Variants in MINAR1 observed in about 807,000 individuals in gnomAD.
MINAR1 encodes membrane integral NOTCH2 associated receptor 1, also known as major intrinsically disordered Notch2-binding receptor 1.
In MINAR1, 40 loss-of-function variants were observed where a neutral mutation model predicts 65.1. That is an observed-to-expected ratio of 0.61 (90% confidence interval 0.48 to 0.80). The LOEUF is 0.80. Ranked by LOEUF, MINAR1 falls within the 30% of genes least tolerant of loss-of-function variation. The pLI is 0.00. For missense variants in MINAR1, 1,128 were observed against 1,148.0 expected (o/e 0.98, Z 0.25); for synonymous variants, 482 against 449.1 (o/e 1.07, Z -0.93).
chr15:79,452,971 A>C (rs1162930694), intron 1 of MINAR1, among the ~76,000 whole-genome samples: 2 of 151,190 alleles, frequency 1.3e-5, no homozygotes, highest in Non-Finnish European at 3.0e-5. Context: ...GTGAATGTGA[A>C]GCTGCCCTGG....
chr15:79,414,059 C>A, the MINAR1 span: 2 of 152,132 alleles, frequency 1.3e-5, no homozygotes, highest in African/African-American at 2.4e-5. Flanking sequence ...ATAGGACACA[C>A]TAGGCTACTG....
chr15:79,448,329 C>G (rs1016860842), intron 1 of MINAR1, among the ~76,000 whole-genome samples: 2 of 152,200 alleles, frequency 1.3e-5, no homozygotes, highest in African/African-American at 4.8e-5. Flanking sequence ...CCCTCTTTAG[C>G]AATTTTTTTG....
At chr15:79,446,292 A>G (rs1159435179) in intron 1 of MINAR1, among the ~76,000 whole-genome samples, 1 of 152,162 alleles carries the variant, frequency 6.6e-6, no homozygotes, top group Non-Finnish European at 1.5e-5. Context: ...TAAATTATTC[A>G]TTAACAGTTT....
rs754227024 is a variant in MINAR1, at chr15:79,457,910, C to T, written c.1763C>T (p.Ser588Leu). Residue 588 changes from serine to leucine, a missense_variant, in exon 2 of 4, where the codon TCG becomes TTG. Ser to Leu is a moderately radical substitution (Grantham distance 145, BLOSUM62 -2). Transcript: ENST00000305428. Reference protein sequence around the residue: ...KGNRPENTHHSEEELKTSVCK... With the variant: ...KGNRPENTHHLEEELKTSVCK... Reference sequence around the variant, plus strand: ...AACCGGCCTGAAAACACCCACCACTCGGAAGAAGAGCTGAAGACCAGTGTG... The same window carrying T: ...AACCGGCCTGAAAACACCCACCACTTGGAAGAAGAGCTGAAGACCAGTGTG... 9 of 1,614,118 alleles carry T rather than the reference C, an allele frequency of 5.6e-6. No homozygotes were observed. Among genetic ancestry groups the T allele is most frequent in the East Asian group, 2.2e-5 (1 of 44,872 alleles).
the MINAR1 span, chr15:79,413,030 A>C: frequency 2.0e-5 from 3 of 152,124 alleles, no homozygotes; most frequent in African/African-American, 4.8e-5. Context: ...GCAAACCCTC[A>C]AGGTCATCAA....
chr15:79,456,516 G>C lies in MINAR1; in HGVS notation c.369G>C (p.Arg123Ser). The change falls in exon 2 of 4, where the codon AGG becomes AGC. Residue 123 changes from arginine (R) to serine (S), a missense_variant. Physicochemically the swap from Arg to Ser is moderately radical, Grantham distance 110 (BLOSUM62 -1). Transcript: ENST00000305428. ...AGGAGGCATCCTTTGAATCATGTAG[G>C]TCGGACACAGAGATCTGCAATGCAG... is the stretch of plus-strand genomic sequence containing the variant. ...RKKEASFESC[R>S]SDTEICNAAE... The C allele has an allele frequency of 6.2e-7, 1 of 1,614,026 alleles. No individual in the cohort carries two copies. The highest frequency in any genetic ancestry group is 8.5e-7 in the Non-Finnish European group (1 of 1,180,034).
chr15:79,452,326 CTGGA>C (rs1895236441), intron 1 of MINAR1, among the ~76,000 whole-genome samples: 1 of 151,390 alleles, frequency 6.6e-6, no homozygotes, highest in Admixed American at 6.6e-5. Flanking sequence ...ATGTGTGTGT[CTGGA>C]TGAGTGTGAC....
At chr15:79,429,893 G>A (rs1027006938), upstream of MINAR1, among the ~76,000 whole-genome samples, 1 of 152,208 alleles carries the variant, frequency 6.6e-6, no homozygotes, top group Non-Finnish European at 1.5e-5. Flanking sequence ...TCCCAGAGAG[G>A]GGGGCATAGG....
At chr15:79,420,493 G>T in the MINAR1 span, 1 of 152,174 alleles carries the variant, frequency 6.6e-6, no homozygotes, top group Non-Finnish European at 1.5e-5. Flanking sequence ...GAAACTTGGT[G>T]GTCCCTCTAG....
intron 1 of MINAR1, among the ~76,000 whole-genome samples, chr15:79,436,978 T>C (rs1056813881): frequency 6.6e-6 from 1 of 152,356 alleles, no homozygotes; most frequent in Middle Eastern, 3.4e-3. Context: ...ATTTTGACCT[T>C]CAGTGGCTCA....
intron 3 of MINAR1, among the ~76,000 whole-genome samples, chr15:79,467,619 T>C (rs1263186333): frequency 2.0e-5 from 3 of 152,204 alleles, no homozygotes; most frequent in African/African-American, 4.8e-5. Flanking sequence ...TTGGTAGACC[T>C]TGACTTTGAG....
chr15:79,450,968 T>G (rs995240810), intron 1 of MINAR1, among the ~76,000 whole-genome samples: 1 of 152,122 alleles, frequency 6.6e-6, no homozygotes, highest in Admixed American at 6.5e-5. Context: ...TTAAACCCAT[T>G]GTTACAGATG....
chr15:79,429,379 G>A (rs953277179), upstream of MINAR1, among the ~76,000 whole-genome samples: 8 of 152,228 alleles, frequency 5.3e-5, no homozygotes, highest in African/African-American at 1.9e-4. Flanking sequence ...CACATAGGTG[G>A]TTTATATCAC....
the MINAR1 span, chr15:79,419,260 G>A: frequency 2.0e-5 from 3 of 152,198 alleles, no homozygotes; most frequent in South Asian, 4.1e-4. Flanking sequence ...GATAAGGTGG[G>A]AACTAACTAA....
At chr15:79,444,012 C>T (rs563498893) in intron 1 of MINAR1, among the ~76,000 whole-genome samples, 2 of 152,078 alleles carry the variant, frequency 1.3e-5, no homozygotes, top group Non-Finnish European at 2.9e-5. Flanking sequence ...TGGCTCTATC[C>T]CTGTTTTCAT....
At position 79,454,709 on chromosome 15, in the gene MINAR1, T is replaced by G. The variant is rs116525572; in HGVS notation, c.-50-1389T>G. 9.3e-3 allele frequency among the ~76,000 whole-genome samples: 1,406 copies of G among 151,654 alleles called. 24 individuals carry two copies. Among genetic ancestry groups the G allele is most frequent in the African/African-American group, 0.032 (1,347 of 41,502 alleles). On this transcript the variant is annotated intron_variant, in intron 1 of 3. Coordinates refer to ENST00000305428, the MANE Select transcript of MINAR1 (RefSeq NM_015206.3). Reference sequence around the variant, plus strand: ...GTGCTTACAAAATAACAAATGCTCATTGTAAGAATTTTAGAAAAGATGGGA... The same window carrying G: ...GTGCTTACAAAATAACAAATGCTCAGTGTAAGAATTTTAGAAAAGATGGGA...
chr15:79,422,306 C>A, the MINAR1 span: 2 of 152,256 alleles, frequency 1.3e-5, no homozygotes, highest in African/African-American at 4.8e-5. Flanking sequence ...AATCCCAGCA[C>A]TTTGGGAGGC....
Position 79,452,711 on chromosome 15 carries a change from TGTGG to T in MINAR1, c.-50-3383_-50-3380del, listed in dbSNP as rs1244842757. ...GTGTGTGTGGGTGTCTGGATGAGTG[TGTGG>T]GTGTGGGTGAGTCTGTGTGGGTGTG... On this transcript the variant is annotated intron_variant, in intron 1 of 3. Coordinates refer to ENST00000305428, the MANE Select transcript of MINAR1 (RefSeq NM_015206.3). Among the ~76,000 whole-genome samples the T allele has an allele frequency of 2.0e-4, 18 of 89,524 alleles. No homozygotes were observed. The East Asian group carries it at 0.01, about 51-fold the overall frequency. The allele number at this position is 89,524 out of a possible 152,430, so 58.7% of individuals were successfully genotyped here. A position where few individuals can be genotyped will look rare whatever the true frequency, so the allele number is the denominator to read the frequency against.
chr15:79,447,930 C>T (rs1046038534), intron 1 of MINAR1, among the ~76,000 whole-genome samples: 7 of 152,250 alleles, frequency 4.6e-5, no homozygotes, highest in African/African-American at 1.4e-4. Context: ...TTTATGCAGA[C>T]ATCTGTGTTT....
Sources: gnomAD v4.1 joint callset for allele counts (sites outside exome capture counted in the v4.1 genomes callset) on GRCh38, gnomAD v4.1.1 for gene constraint, MANE v1.5 for transcripts, NCBI Gene and HGNC (gene_info 2026-07-23, HGNC 2026-07-21) for gene names.